Variants in DDAH1 observed in about 807,000 individuals in gnomAD.
DDAH1 encodes the protein N(G),N(G)-dimethylarginine dimethylaminohydrolase 1.
DDAH1 carries 19 observed loss-of-function variants against 28.8 expected under a neutral mutation model. The ratio of observed to expected loss-of-function variants is 0.66; its 90% CI spans 0.46 to 0.97. DDAH1 has a LOEUF of 0.97. Among genes scored for constraint, DDAH1 ranks in the 50% least tolerant of loss-of-function variants. The pLI, the probability that DDAH1 is intolerant of heterozygous loss-of-function variation, is 0.00. For missense variants in DDAH1, 326 were observed against 375.9 expected, an observed-to-expected ratio of 0.87 and a Z score of 1.10; for synonymous variants, 153 against 154.4, an observed-to-expected ratio of 0.99 and a Z score of 0.07.
In DDAH1 at chr1:85,324,705, C is replaced by T. The variant is rs745828409; in HGVS notation, c.741+35G>A. On this transcript the variant is annotated intron_variant, in intron 5 of 5. Transcript: ENST00000284031. ...ATGAAAAAATCCCCAGGGAGGCTGA[C>T]CCAGCTGCAGTGGTCAGAAGGGATA... is the stretch of plus-strand genomic sequence containing the variant. 33 of 1,610,488 alleles carry T rather than the reference C, an allele frequency of 2.0e-5. No individual in the cohort carries two copies. The East Asian group carries it at 5.4e-4, about 26-fold the overall frequency.
chr1:85,548,403 G>T (rs1489827448), intron 1 of DDAH1, among the ~76,000 whole-genome samples: 1 of 152,086 alleles, frequency 6.6e-6, no homozygotes, highest in Non-Finnish European at 1.5e-5. Flanking sequence ...TCCAAAGCTT[G>T]TACTATAATT....
At chr1:85,428,798 T>C (rs1430467634) in intron 1 of DDAH1, among the ~76,000 whole-genome samples, 1 of 152,018 alleles carries the variant, frequency 6.6e-6, no homozygotes, top group African/African-American at 2.4e-5. Context: ...GCATTTTAGC[T>C]AGAGGATAAG....
intron 4 of DDAH1, among the ~76,000 whole-genome samples, chr1:85,332,235 C>G (rs746679496): frequency 8.5e-5 from 13 of 152,152 alleles, no homozygotes; most frequent in Admixed American, 6.6e-4. Flanking sequence ...ATCCCTGGAG[C>G]CCCACTAACA....
At chr1:85,334,745 C>G (rs868797104) in intron 4 of DDAH1, among the ~76,000 whole-genome samples, 1 of 147,604 alleles carries the variant, frequency 6.8e-6, no homozygotes, top group Non-Finnish European at 1.5e-5. Context: ...TTATAAACTA[C>G]CTACTCTCAG....
At chr1:85,330,268 G>A (rs731194) in intron 4 of DDAH1, among the ~76,000 whole-genome samples, 18,974 of 152,218 alleles carry the variant, frequency 0.12, 1,530 homozygotes, top group South Asian at 0.29. Flanking sequence ...AAAGAGCTCA[G>A]GCTCCTGAGG....
intron 1 of DDAH1, among the ~76,000 whole-genome samples, chr1:85,424,376 TCAAGGC>T (rs1653295031): frequency 2.6e-5 from 4 of 152,252 alleles, no homozygotes; most frequent in Middle Eastern, 3.4e-3. Flanking sequence ...TGCACTGAGA[TCAAGGC>T]AGTATAGGGA....
rs1184645220 is a variant in DDAH1 at position 85,392,791 on chromosome 1, A to G, written c.304-33944T>C. ...CTGGCAACAGAGCAAGACTCTGTCT[A>G]AAAAAAAAAAAAAAAAAAAAAAAAA... On this transcript the variant is annotated intron_variant, in intron 1 of 5. Coordinates refer to ENST00000284031, the MANE Select transcript of DDAH1 (RefSeq NM_012137.4). Among the ~76,000 whole-genome samples the G allele has an allele frequency of 6.1e-4, 3 of 4,914 alleles. No individual in the cohort carries two copies. The African/African-American group carries it at 8.6e-3, about 14-fold the overall frequency. 3.2% of individuals were successfully genotyped at this position (4,914 alleles called of 152,430 possible).
intron 2 of DDAH1, among the ~76,000 whole-genome samples, chr1:85,483,272 AT>A (rs1372988878): frequency 1.3e-5 from 2 of 150,952 alleles, no homozygotes; most frequent in African/African-American, 4.9e-5. Context: ...TTGTCCCCTT[AT>A]TTTGACCAAC....
chr1:85,335,661 T>C lies in DDAH1; in HGVS notation c.598-10778A>G, dbSNP rs1407655393. Among the ~76,000 whole-genome samples, 3 of 152,068 alleles carry C rather than the reference T, an allele frequency of 2.0e-5. No individual in the cohort carries two copies. The East Asian group carries it at 5.8e-4, about 29-fold the overall frequency. On this transcript the variant is annotated intron_variant, in intron 4 of 5. Transcript: ENST00000284031. ...CACCCAACACTGAAGCACCCAGATATAAAAAGCAAATGTTGGCTGGGCATG... is the reference window on the plus strand; with the variant it reads ...CACCCAACACTGAAGCACCCAGATACAAAAAGCAAATGTTGGCTGGGCATG...
At chr1:85,451,154 G>A (rs554081815) in intron 1 of DDAH1, among the ~76,000 whole-genome samples, 94 of 152,248 alleles carry the variant, frequency 6.2e-4, no homozygotes, top group Non-Finnish European at 1.3e-3. Flanking sequence ...AGTCAGCATA[G>A]GGGTCCAAAA....
intron 1 of DDAH1, chr1:85,398,369 G>A (rs1325562030): frequency 2.2e-4 from 34 of 152,130 alleles, no homozygotes; most frequent in Admixed American, 2.2e-3. Flanking sequence ...TAGAAATGGG[G>A]GTGATTATAG....
Position 85,464,412 on chromosome 1 carries a change from A to C in DDAH1, c.303+331T>G. ...CCCTCGCGGCCCTCGCTCCCTGGGA[A>C]ACACTCAGAGTTGCACTGTCGTCGC... is the stretch of plus-strand genomic sequence containing the variant. On this transcript the variant is annotated intron_variant, in intron 1 of 5. Transcript: ENST00000284031. The surrounding 1 kb of genome is among the most constrained non-coding windows in gnomAD (Gnocchi z 4.4). The C allele has an allele frequency of 8.5e-6, 11 of 1,292,826 alleles. No homozygotes were observed. The highest frequency in any genetic ancestry group is 3.8e-5 in the East Asian group (1 of 26,472). The allele number at this position is 1,292,826 out of a possible 1,614,324, so 80.1% of individuals were successfully genotyped here.
At chr1:85,512,674 G>A (rs1420625384) in intron 1 of DDAH1, among the ~76,000 whole-genome samples, 2 of 152,108 alleles carry the variant, frequency 1.3e-5, no homozygotes, top group Non-Finnish European at 2.9e-5. Flanking sequence ...AAATCAATGT[G>A]CAAAAATCAC....
At chr1:85,496,250 G>A (rs910000965) in exon 2 of DDAH1, 3 of 984,906 alleles carry the variant, frequency 3.0e-6, no homozygotes, top group Non-Finnish European at 3.6e-6. Context: ...CTTGGCCAAA[G>A]TTACCAGAGC....
intron 1 of DDAH1, among the ~76,000 whole-genome samples, chr1:85,522,964 A>C (rs1216995661): frequency 4.6e-5 from 7 of 150,806 alleles, no homozygotes; most frequent in African/African-American, 1.7e-4. Flanking sequence ...CCCATGAATA[A>C]GAGAGGGTCC....
chr1:85,515,610 T>C (rs1657441550), intron 1 of DDAH1, among the ~76,000 whole-genome samples: 1 of 151,478 alleles, frequency 6.6e-6, no homozygotes, highest in Non-Finnish European at 1.5e-5. Context: ...TCAAGACTCA[T>C]CTCAAAGACT....
chr1:85,394,319 G>A (rs935673668), intron 1 of DDAH1, among the ~76,000 whole-genome samples: 4 of 152,192 alleles, frequency 2.6e-5, no homozygotes, highest in Non-Finnish European at 4.4e-5. Flanking sequence ...TTCCATGCCT[G>A]CTTTCCCTTC....
At chr1:85,487,237 G>A (rs1656236069) in intron 2 of DDAH1, among the ~76,000 whole-genome samples, 1 of 152,224 alleles carries the variant, frequency 6.6e-6, no homozygotes, top group Non-Finnish European at 1.5e-5. Flanking sequence ...GAGCATTATT[G>A]AGAGTACTTG....
At chr1:85,553,108 C>T (rs1056979036) in intron 1 of DDAH1, among the ~76,000 whole-genome samples, 2 of 152,120 alleles carry the variant, frequency 1.3e-5, no homozygotes, top group African/African-American at 4.8e-5. Context: ...AATAGATAGT[C>T]CCAGGTGAGC....
Sources: gnomAD v4.1 joint callset for allele counts (sites outside exome capture counted in the v4.1 genomes callset) on GRCh38, gnomAD v4.1.1 for gene constraint, Gnocchi (gnomAD v3.1) non-coding constraint, MANE v1.5 for transcripts, NCBI Gene and HGNC (gene_info 2026-07-23, HGNC 2026-07-21) for gene names.